The following ZNF675 variants were observed in gnomAD, a reference collection of about 807,000 sequenced individuals.
The protein encoded by ZNF675 is zinc finger protein 675.
In ZNF675, 36 loss-of-function variants were observed where a neutral mutation model predicts 56.1. The observed-to-expected ratio is 0.64, with a 90% CI of 0.49 to 0.85. The LOEUF (loss-of-function observed/expected upper bound fraction) is 0.85. ZNF675 is among the 40% of genes least tolerant of loss of function. ZNF675 has a pLI of 0.00. For synonymous variants in ZNF675, 200 were observed against 218.9 expected (o/e 0.91, Z 0.76); for missense variants, 663 against 654.2 (o/e 1.01, Z -0.15).
intron 1 of ZNF675, among the ~76,000 whole-genome samples, chr19:23,674,419 G>A (rs907855253): frequency 1.3e-5 from 2 of 151,342 alleles, no homozygotes; most frequent in East Asian, 3.9e-4. Context: ...GAGGCAGGCG[G>A]ATCACCTGAG....
intron 1 of ZNF675, among the ~76,000 whole-genome samples, chr19:23,676,924 A>G (rs534476053): frequency 6.6e-6 from 1 of 151,446 alleles, no homozygotes; most frequent in Non-Finnish European, 1.5e-5. Context: ...AATACAAAAA[A>G]TTAGCCACGC....
chr19:23,680,235 G>A (rs369509136), intron 1 of ZNF675, among the ~76,000 whole-genome samples: 7 of 151,280 alleles, frequency 4.6e-5, no homozygotes, highest in African/African-American at 1.2e-4. Context: ...CCTAGGAGGC[G>A]GAGGTTGCAG....
At chr19:23,665,547 G>C (rs560319925) in intron 1 of ZNF675, among the ~76,000 whole-genome samples, 1 of 152,078 alleles carries the variant, frequency 6.6e-6, no homozygotes, top group Non-Finnish European at 1.5e-5. Context: ...GCAGGCTGGA[G>C]TGCAGTGGCG....
chr19:23,662,181 G>A lies in ZNF675; in HGVS notation c.159C>T (p.Ile53=), dbSNP rs758491239. The change falls in exon 3 of 4, where the codon ATC becomes ATT. Residue 53 remains isoleucine (I), a synonymous_variant. Transcript: ENST00000359788. ...LGIAVSKQDL[I]TCLEQEKEPL... The stretch of plus-strand genomic sequence containing the variant: ...GCTCTTTTTCTTGCTCCAGACAGGT[G>A]ATCAGGTCTTGCTTAGAGACAGCAA... 2 of 1,612,976 alleles carry A rather than the reference G, an allele frequency of 1.2e-6. No individual in the cohort carries two copies. Among genetic ancestry groups the A allele is most frequent in the Non-Finnish European group, 1.7e-6 (2 of 1,179,554 alleles).
Position 23,663,173 on chromosome 19 carries a change from C to T in ZNF675, c.4-15G>A. On this transcript the variant is annotated splice_polypyrimidine_tract_variant and intron_variant, in intron 1 of 3. Coordinates refer to ENST00000359788, the MANE Select transcript of ZNF675 (RefSeq NM_138330.3). ...GTCAACAGTCCCTGAAAAACACATA[C>T]ACACAAACATATTCACCAGGTAGCC... 1.3e-6 allele frequency: 2 copies of T among 1,597,426 alleles called. No individual in the cohort carries two copies. The highest frequency in any genetic ancestry group is 1.7e-6 in the Non-Finnish European group (2 of 1,172,842).
Position 23,662,892 on chromosome 19 carries a change from G to A in ZNF675, c.130+140C>T, listed in dbSNP as rs561625798. On this transcript the variant is annotated intron_variant, in intron 2 of 3. Coordinates refer to ENST00000359788, the MANE Select transcript of ZNF675 (RefSeq NM_138330.3). Reference sequence around the variant, plus strand: ...CCAGCTACTTGGAAGGCTGAGGCACGAGAATTGCTTGAACCCAGGAGGCGG... The same window carrying A: ...CCAGCTACTTGGAAGGCTGAGGCACAAGAATTGCTTGAACCCAGGAGGCGG... 4.5e-5 allele frequency: 30 copies of A among 666,144 alleles called. No individual in the cohort carries two copies. The East Asian group carries it at 7.4e-4, about 16-fold the overall frequency. The allele number at this position is 666,144 out of a possible 1,614,324, so 41.3% of individuals were successfully genotyped here.
intron 1 of ZNF675, among the ~76,000 whole-genome samples, chr19:23,678,639 A>C (rs1280001640): frequency 6.7e-6 from 1 of 148,684 alleles, no homozygotes; most frequent in East Asian, 1.9e-4. Context: ...TTTTCTAAGC[A>C]AAAATAACAA....
chr19:23,677,603 G>A lies in ZNF675; in HGVS notation c.3+9428C>T, dbSNP rs191430385. ...TGCCTGTAATCCCAGCTACTCAGGA[G>A]GCTGAGGCAGGAGAATTGCTTGAAC... On this transcript the variant is annotated intron_variant, in intron 1 of 3. Transcript: ENST00000359788. Among the ~76,000 whole-genome samples the A allele has an allele frequency of 1.3e-3, 198 of 150,932 alleles. 1 individual carries two copies. The highest frequency in any genetic ancestry group is 6.8e-3 in the Middle Eastern group (2 of 294).
In ZNF675 at chr19:23,674,334, C is replaced by T. The variant is rs189802350; in HGVS notation, c.4-11176G>A. 1.3e-3 allele frequency among the ~76,000 whole-genome samples: 200 copies of T among 151,716 alleles called. 1 individual carries two copies. Among genetic ancestry groups the T allele is most frequent in the Non-Finnish European group, 1.7e-3 (116 of 67,982 alleles). The stretch of plus-strand genomic sequence containing the variant: ...GCAGAGAAAAATATCTACATATAAC[C>T]TAAATGCTTAAAGAAGTGAGAGATG... On this transcript the variant is annotated intron_variant, in intron 1 of 3. Transcript: ENST00000359788.
At chr19:23,661,642 A>G (rs1968080108) in intron 3 of ZNF675, among the ~76,000 whole-genome samples, 1 of 152,104 alleles carries the variant, frequency 6.6e-6, no homozygotes, top group African/African-American at 2.4e-5. Flanking sequence ...GTGAGTCCAG[A>G]CTGTAGCACT....
At chr19:23,665,163 G>A (rs1429648051) in intron 1 of ZNF675, among the ~76,000 whole-genome samples, 3 of 151,806 alleles carry the variant, frequency 2.0e-5, no homozygotes, top group African/African-American at 4.8e-5. Context: ...TGGCCAACAT[G>A]GTGAAACCCC....
intron 1 of ZNF675, among the ~76,000 whole-genome samples, chr19:23,672,447 C>T (rs1894919413): frequency 6.6e-6 from 1 of 152,158 alleles, no homozygotes; most frequent in South Asian, 2.1e-4. Context: ...CTGAGAAGTT[C>T]AAAAACCCGC....
Position 23,652,875 on chromosome 19 carries a change from C to T in ZNF675, c.*351G>A, listed in dbSNP as rs1165027883. 7 of 175,792 alleles carry T rather than the reference C, an allele frequency of 4.0e-5. No individual in the cohort carries two copies. Among genetic ancestry groups the T allele is most frequent in the Non-Finnish European group, 6.1e-5 (5 of 82,532 alleles). The allele number at this position is 175,792 out of a possible 1,614,324, so 10.9% of individuals were successfully genotyped here. On this transcript the variant is annotated 3_prime_UTR_variant, in exon 4 of 4. Transcript: ENST00000359788. ...CGAATACTCTTCTTCACTTTAAAGG[C>T]TTATATTTTCTTAAAGTCTTTAGAC...
At chr19:23,669,389 T>C (rs913901067) in intron 1 of ZNF675, among the ~76,000 whole-genome samples, 3 of 151,878 alleles carry the variant, frequency 2.0e-5, no homozygotes, top group African/African-American at 4.8e-5. Context: ...CCCACTCAAC[T>C]AGCTATGAAC....
chr19:23,663,086 G>T lies in ZNF675; in HGVS notation c.76C>A (p.Arg26=). 6.2e-7 allele frequency: 1 copy of T among 1,608,680 alleles called. No individual in the cohort carries two copies. The highest frequency in any genetic ancestry group is 2.2e-5 in the East Asian group (1 of 44,606). Residue 26 remains arginine (R), a synonymous_variant, in exon 2 of 4, where the codon CGG becomes AGG. Coordinates refer to ENST00000359788, the MANE Select transcript of ZNF675 (RefSeq NM_138330.3). ...AAAATCACATTTTTATATAAATTCC[G>T]CTGTGCAGTGTCCAGGCATTGCCAT... is the stretch of plus-strand genomic sequence containing the variant. ...EEWQCLDTAQ[R]NLYKNVILEN...
intron 1 of ZNF675, chr19:23,686,469 G>A (rs915632294): frequency 1.3e-5 from 2 of 152,976 alleles, no homozygotes; most frequent in African/African-American, 4.8e-5. Flanking sequence ...TGGGATTACA[G>A]GCATGTGCCA....
At chr19:23,655,144 G>C (rs980835189) in intron 3 of ZNF675, 2 of 152,882 alleles carry the variant, frequency 1.3e-5, no homozygotes, top group Non-Finnish European at 2.9e-5. Flanking sequence ...GACTAAGGCA[G>C]GAGAACTGCT....
intron 1 of ZNF675, among the ~76,000 whole-genome samples, chr19:23,664,484 A>G (rs533930138): frequency 6.6e-6 from 1 of 152,328 alleles, no homozygotes; most frequent in South Asian, 2.1e-4. Flanking sequence ...CATGGACATC[A>G]GCAATTTCTG....
At position 23,653,076 on chromosome 19, in the gene ZNF675, T is replaced by C. The variant is rs964694112; in HGVS notation, c.*150A>G. 2 of 753,868 alleles carry C rather than the reference T, an allele frequency of 2.7e-6. No individual in the cohort carries two copies. The highest frequency in any genetic ancestry group is 4.1e-6 in the Non-Finnish European group (2 of 489,844). 46.7% of individuals were successfully genotyped at this position (753,868 alleles called of 1,614,324 possible). A position where few individuals can be genotyped will look rare whatever the true frequency, so the allele number is the denominator to read the frequency against. On this transcript the variant is annotated 3_prime_UTR_variant, in exon 4 of 4. Coordinates refer to ENST00000359788, the MANE Select transcript of ZNF675 (RefSeq NM_138330.3). ...AACAGTATTGCCAAATTCTTCACAC[T>C]TGTAGTTTTCTCCAGTATGAATTAT...
Sources: allele counts gnomAD v4.1 joint callset (sites outside exome capture counted in the v4.1 genomes callset), GRCh38; gene constraint gnomAD v4.1.1; transcripts MANE v1.5; gene names NCBI Gene and HGNC (gene_info 2026-07-23, HGNC 2026-07-21).